The following IFT74 variants were observed in gnomAD, a reference collection of about 807,000 sequenced individuals.
The protein encoded by IFT74 is intraflagellar transport protein 74 homolog.
A neutral mutation model predicts 96.7 loss-of-function variants in IFT74; 92 were observed. The ratio of observed to expected loss-of-function variants is 0.95; its 90% CI spans 0.80 to 1.13. IFT74 has a LOEUF of 1.13. Ranked by LOEUF, IFT74 falls within the 50% of genes most tolerant of loss-of-function variation. The pLI is 0.00. For missense variants in IFT74, 811 were observed against 698.2 expected (o/e 1.16, Z -1.82); for synonymous variants, 223 against 213.2 (o/e 1.05, Z -0.40).
intron 13 of IFT74, among the ~76,000 whole-genome samples, chr9:27,038,957 G>A (rs142487016): frequency 2.5e-4 from 38 of 152,250 alleles, no homozygotes; most frequent in African/African-American, 7.7e-4. Context: ...AACTAAAGCC[G>A]TCTGTATTAT....
At chr9:26,951,248 A>AT (rs1825921551) in intron 1 of IFT74, among the ~76,000 whole-genome samples, 1 of 152,228 alleles carries the variant, frequency 6.6e-6, no homozygotes, top group Non-Finnish European at 1.5e-5. Context: ...AATGCAGATT[A>AT]TACAGGAATG....
At chr9:26,995,071 A>G (rs997668531) in intron 8 of IFT74, 3 of 152,540 alleles carry the variant, frequency 2.0e-5, no homozygotes, top group African/African-American at 7.2e-5. Context: ...CATAAAATCA[A>G]TCTTAGTGTA....
At chr9:27,050,260 T>C (rs1819864387) in intron 16 of IFT74, among the ~76,000 whole-genome samples, 1 of 152,206 alleles carries the variant, frequency 6.6e-6, no homozygotes, top group South Asian at 2.1e-4. Context: ...GGTTTCACCA[T>C]GTTTTCCAGG....
At position 26,978,255 on chromosome 9, in the gene IFT74, G is replaced by A. The variant is rs1388737755; in HGVS notation, c.248G>A (p.Gly83Glu). Reference protein sequence around the residue: ...TQQGLTGMKTGTKGPQRQILD... With the variant: ...TQQGLTGMKTETKGPQRQILD... ...CAAGGTTTGACTGGAATGAAAACTGGGACGAAAGGTACCTATTTTAAGATA... is the reference window on the plus strand; with the variant it reads ...CAAGGTTTGACTGGAATGAAAACTGAGACGAAAGGTACCTATTTTAAGATA... The change falls in exon 3 of 20, where the codon GGG becomes GAG. Residue 83 changes from glycine (G) to glutamate (E), a missense_variant. Transcript: ENST00000380062. The A allele has an allele frequency of 1.2e-6, 2 of 1,612,648 alleles. No individual in the cohort carries two copies. The highest frequency in any genetic ancestry group is 1.7e-5 in the Admixed American group (1 of 59,540).
chr9:26,960,906 G>C (rs751590625), intron 1 of IFT74, among the ~76,000 whole-genome samples: 12 of 151,670 alleles, frequency 7.9e-5, no homozygotes, highest in Non-Finnish European at 1.5e-4. Context: ...ATTGGATCTA[G>C]TATCTAGATG....
chr9:26,954,795 A>G (rs557075841), upstream of IFT74, among the ~76,000 whole-genome samples: 3 of 152,182 alleles, frequency 2.0e-5, no homozygotes, highest in South Asian at 6.2e-4. Context: ...AAAATTTGAC[A>G]TAACCTAATT....
At chr9:26,993,883 CA>C (rs1220098808) in intron 8 of IFT74, 2 of 152,100 alleles carry the variant, frequency 1.3e-5, no homozygotes, top group African/African-American at 4.8e-5. Flanking sequence ...TTCATTATTT[CA>C]GAGATATACA....
intron 16 of IFT74, among the ~76,000 whole-genome samples, chr9:27,051,548 A>T (rs1819924534): frequency 6.6e-6 from 1 of 152,202 alleles, no homozygotes; most frequent in Non-Finnish European, 1.5e-5. Context: ...TTGCAGAACA[A>T]AAACACTTTA....
intron 12 of IFT74, among the ~76,000 whole-genome samples, chr9:27,019,285 G>A (rs377172599): frequency 2.6e-4 from 40 of 152,038 alleles, no homozygotes; most frequent in South Asian, 2.3e-3. Context: ...TATTCAGTCA[G>A]CCCAATAAAA....
At chr9:26,998,975 C>T (rs773250803) in intron 8 of IFT74, among the ~76,000 whole-genome samples, 13 of 152,182 alleles carry the variant, frequency 8.5e-5, no homozygotes, top group Non-Finnish European at 1.5e-4. Context: ...GCCTGGGCGA[C>T]AGAGCGAGAT....
chr9:27,018,562 T>C (rs1044416810), intron 11 of IFT74, 85 bp from the exon 12 acceptor site: 12 of 677,744 alleles, frequency 1.8e-5, no homozygotes, highest in Non-Finnish European at 2.7e-5. Context: ...TTTAGTACAA[T>C]TGTACTCTAG....
At chr9:27,041,780 C>T (rs1819491449) in intron 13 of IFT74, among the ~76,000 whole-genome samples, 2 of 152,288 alleles carry the variant, frequency 1.3e-5, no homozygotes, top group Non-Finnish European at 2.9e-5. Flanking sequence ...TTATGAGCAA[C>T]TCAGATACTA....
At position 27,048,440 on chromosome 9, in the gene IFT74, T is replaced by C. The variant is rs574467660; in HGVS notation, c.1333+166T>C. Among the ~76,000 whole-genome samples the C allele has an allele frequency of 2.0e-5, 3 of 152,336 alleles. No individual in the cohort carries two copies. In the South Asian group the frequency reaches 6.2e-4, roughly 32 times the overall value. On this transcript the variant is annotated intron_variant, in intron 16 of 19. Coordinates refer to ENST00000380062, the MANE Select transcript of IFT74 (RefSeq NM_025103.4). ...CAGCTGGCTAGTATTATGTTGTATA[T>C]TGTCACTGATTTAACAACATTTATT...
chr9:27,048,939 G>A (rs1298216286), intron 16 of IFT74, among the ~76,000 whole-genome samples: 2 of 152,142 alleles, frequency 1.3e-5, no homozygotes, highest in African/African-American at 2.4e-5. Flanking sequence ...TGTGGGAGGT[G>A]GGCCTAGTGG....
At chr9:26,998,353 A>C (rs1184539721) in intron 8 of IFT74, 1 of 608,810 alleles carries the variant, frequency 1.6e-6, no homozygotes, top group Non-Finnish European at 2.6e-6. Context: ...TGGGAAAAAA[A>C]CCTACTATCT....
intron 13 of IFT74, among the ~76,000 whole-genome samples, chr9:27,034,573 G>T (rs1830265409): frequency 6.6e-6 from 1 of 152,138 alleles, no homozygotes; most frequent in African/African-American, 2.4e-5. Flanking sequence ...TTGTGGCCCA[G>T]GCTGGAGTAA....
chr9:26,957,723 A>G, intron 1 of IFT74, among the ~76,000 whole-genome samples: 1 of 152,186 alleles, frequency 6.6e-6, no homozygotes, highest in East Asian at 1.9e-4. Context: ...AATGCTAAGA[A>G]AAGTCAGAAA....
chr9:26,980,142 T>C (rs1827306853), intron 3 of IFT74, among the ~76,000 whole-genome samples: 1 of 152,246 alleles, frequency 6.6e-6, no homozygotes. Context: ...TGACAGCCAG[T>C]AGTCAGAAAT....
intron 1 of IFT74, among the ~76,000 whole-genome samples, chr9:26,957,955 A>T (rs919018627): frequency 9.2e-5 from 14 of 151,802 alleles, no homozygotes; most frequent in African/African-American, 3.4e-4. Flanking sequence ...GGGTTTCACT[A>T]TGTTAGCCAG....
Sources: allele counts gnomAD v4.1 joint callset (sites outside exome capture counted in the v4.1 genomes callset), GRCh38; gene constraint gnomAD v4.1.1; transcripts MANE v1.5; gene names NCBI Gene and HGNC (gene_info 2026-07-23, HGNC 2026-07-21).